The following CNTN3 variants were observed in gnomAD, a reference collection of about 807,000 sequenced individuals.
CNTN3 encodes the protein contactin 3.
Under a neutral mutation model 119.1 loss-of-function variants are expected in CNTN3, and 60 were observed. The observed-to-expected ratio is 0.50, with a 90% CI of 0.41 to 0.62. The LOEUF (loss-of-function observed/expected upper bound fraction) is 0.62, where lower values mean the gene tolerates loss of function less well. CNTN3 is among the 20% of genes least tolerant of loss of function. CNTN3 has a pLI of 0.00. For synonymous variants in CNTN3, 450 were observed against 438.7 expected (o/e 1.03, Z -0.32); for missense variants, 1,101 against 1,242.4 (o/e 0.89, Z 1.71).
At chr3:74,311,420 T>C (rs1267569456) in intron 13 of CNTN3, among the ~76,000 whole-genome samples, 1 of 152,186 alleles carries the variant, frequency 6.6e-6, no homozygotes, top group Non-Finnish European at 1.5e-5. Context: ...AAAAGGTTTA[T>C]AAAATCAGAA....
chr3:74,445,388 G>A (rs1201134157), intron 4 of CNTN3, among the ~76,000 whole-genome samples: 1 of 151,830 alleles, frequency 6.6e-6, no homozygotes, highest in Admixed American at 6.6e-5. Flanking sequence ...TCAGCCTCTC[G>A]AGCAGCTGGG....
At chr3:74,480,603 G>C (rs1702745814) in intron 4 of CNTN3, among the ~76,000 whole-genome samples, 1 of 151,780 alleles carries the variant, frequency 6.6e-6, no homozygotes, top group Non-Finnish European at 1.5e-5. Flanking sequence ...TTCTAAAAAG[G>C]AAAAATAGAG....
chr3:74,341,765 T>C (rs1703554432), intron 11 of CNTN3, among the ~76,000 whole-genome samples: 1 of 152,170 alleles, frequency 6.6e-6, no homozygotes, highest in African/African-American at 2.4e-5. Context: ...ACCTGTACTT[T>C]ATGATGACAT....
At chr3:74,287,883 G>GCTAT (rs1467632637) in intron 19 of CNTN3, among the ~76,000 whole-genome samples, 1 of 152,154 alleles carries the variant, frequency 6.6e-6, no homozygotes, top group Non-Finnish European at 1.5e-5. Flanking sequence ...AAAGGCTACT[G>GCTAT]CTATGGCTCT....
intron 4 of CNTN3, among the ~76,000 whole-genome samples, chr3:74,437,658 TA>T (rs1701891474): frequency 6.6e-6 from 1 of 152,152 alleles, no homozygotes; most frequent in Non-Finnish European, 1.5e-5. Context: ...TTTGCTTTCT[TA>T]AAAGAGTTTC....
intron 4 of CNTN3, among the ~76,000 whole-genome samples, chr3:74,482,688 T>C (rs533711283): frequency 2.0e-4 from 31 of 152,170 alleles, no homozygotes; most frequent in South Asian, 8.3e-4. Flanking sequence ...ATATACAACA[T>C]AGTCAAGAGA....
chr3:74,557,406 A>T (rs1199708498), intron 1 of CNTN3, among the ~76,000 whole-genome samples: 1 of 152,136 alleles, frequency 6.6e-6, no homozygotes, highest in Non-Finnish European at 1.5e-5. Flanking sequence ...TGAAACATCC[A>T]CTTGTAGAGG....
intron 13 of CNTN3, among the ~76,000 whole-genome samples, chr3:74,328,362 G>T (rs1384867337): frequency 6.6e-6 from 1 of 151,958 alleles, no homozygotes; most frequent in African/African-American, 2.4e-5. Flanking sequence ...TGCTTTTAAG[G>T]TTTGCCATGA....
chr3:74,330,963 CA>C (rs1268491722), intron 13 of CNTN3, among the ~76,000 whole-genome samples: 1 of 151,948 alleles, frequency 6.6e-6, no homozygotes, highest in Non-Finnish European at 1.5e-5. Context: ...ACAAAACAGT[CA>C]AAAAGTCTAA....
intron 1 of CNTN3, among the ~76,000 whole-genome samples, chr3:74,528,990 G>C (rs1703657734): frequency 6.6e-6 from 1 of 151,836 alleles, no homozygotes; most frequent in African/African-American, 2.4e-5. Context: ...AAAACACTGT[G>C]TGAAAAAGAA....
chr3:74,372,497 T>G (rs1478105025), intron 5 of CNTN3, among the ~76,000 whole-genome samples: 1 of 152,072 alleles, frequency 6.6e-6, no homozygotes, highest in East Asian at 1.9e-4. Flanking sequence ...GTGGTTGGCT[T>G]ATTGGCTTCC....
intron 1 of CNTN3, among the ~76,000 whole-genome samples, chr3:74,533,534 A>T (rs1174673223): frequency 6.6e-6 from 1 of 152,010 alleles, no homozygotes; most frequent in Non-Finnish European, 1.5e-5. Context: ...CACACATGTT[A>T]TGTCATTTAC....
intron 2 of CNTN3, among the ~76,000 whole-genome samples, chr3:74,503,732 T>C (rs1703204769): frequency 6.6e-6 from 1 of 152,150 alleles, no homozygotes; most frequent in South Asian, 2.1e-4. Flanking sequence ...ACTAATGGAT[T>C]CAACGTAACA....
At chr3:74,267,743 A>G (rs1701691693) in intron 20 of CNTN3, among the ~76,000 whole-genome samples, 2 of 152,224 alleles carry the variant, frequency 1.3e-5, no homozygotes, top group East Asian at 3.9e-4. Context: ...TGTCTCGTTG[A>G]AAACACGTCG....
At chr3:74,330,182 C>A (rs1703227182) in intron 13 of CNTN3, among the ~76,000 whole-genome samples, 1 of 151,976 alleles carries the variant, frequency 6.6e-6, no homozygotes, top group Admixed American at 6.6e-5. Context: ...ATGGTGAAAC[C>A]CCATCCCTAC....
At chr3:74,338,721 T>G (rs1703459536) in intron 11 of CNTN3, among the ~76,000 whole-genome samples, 1 of 152,114 alleles carries the variant, frequency 6.6e-6, no homozygotes, top group African/African-American at 2.4e-5. Flanking sequence ...TATTACGGTT[T>G]GTTATGCATA....
At chr3:74,565,775 G>A (rs982789759) in intron 1 of CNTN3, among the ~76,000 whole-genome samples, 1 of 152,106 alleles carries the variant, frequency 6.6e-6, no homozygotes, top group African/African-American at 2.4e-5. Context: ...AGAAAAATAG[G>A]AAGAATGAAA....
chr3:74,334,337 C>A (rs1236712260), intron 13 of CNTN3, among the ~76,000 whole-genome samples: 7 of 152,104 alleles, frequency 4.6e-5, no homozygotes, highest in Non-Finnish European at 1.0e-4. Flanking sequence ...TGTACCCTGG[C>A]CTGACACATT....
At chr3:74,521,220 G>A (rs868301887) in intron 1 of CNTN3, 28 bp from the exon 2 acceptor site, 25 of 323,202 alleles carry the variant, frequency 7.7e-5, no homozygotes, top group African/African-American at 4.3e-4. Flanking sequence ...AAAGAAGTTC[G>A]TTAAAAAAAA....
Sources: allele counts gnomAD v4.1 joint callset (sites outside exome capture counted in the v4.1 genomes callset), GRCh38; gene constraint gnomAD v4.1.1; transcripts MANE v1.5; gene names NCBI Gene and HGNC (gene_info 2026-07-23, HGNC 2026-07-21).